The following GDF15 variants were observed in gnomAD, a reference collection of about 807,000 sequenced individuals.
GDF15 encodes the protein growth/differentiation factor 15.
A neutral mutation model predicts 8.9 loss-of-function variants in GDF15; 10 were observed. That is an observed-to-expected ratio of 1.12 (90% CI 0.69 to 1.90). GDF15 has a LOEUF of 1.90. Ranked by LOEUF, GDF15 falls within the 40% of genes most tolerant of loss-of-function variation. The pLI is 0.00. For missense variants in GDF15, 452 were observed against 434.2 expected (o/e 1.04, Z -0.36); for synonymous variants, 228 against 210.6 (o/e 1.08, Z -0.72).
In GDF15 at chr19:18,388,711, G is replaced by C; in HGVS notation, c.703G>C (p.Val235Leu). The C allele has an allele frequency of 1.2e-6, 2 of 1,609,290 alleles. No homozygotes were observed. The highest frequency in any genetic ancestry group is 4.5e-5 in the East Asian group (2 of 44,844). ...CGATTGGGTGCTGTCGCCACGGGAG[G>C]TGCAAGTGACCATGTGCATCGGCGC... is the stretch of plus-strand genomic sequence containing the variant. ...WADWVLSPRE[V>L]QVTMCIGACP... Residue 235 changes from valine (V) to leucine (L), a missense_variant, in exon 2 of 2, where the codon GTG becomes CTG. Transcript: ENST00000252809. This position sits in a 1 kb window ranked among gnomAD's most constrained non-coding sequence, Gnocchi z 4.2.
rs1420213194 is a variant in GDF15, at chr19:18,388,618, C to T, written c.610C>T (p.Pro204Ser). 1.9e-6 allele frequency: 3 copies of T among 1,598,072 alleles called. No homozygotes were observed. Among genetic ancestry groups the T allele is most frequent in the Non-Finnish European group, 2.6e-6 (3 of 1,175,500 alleles). ...GCGTGCGCGCAACGGGGACCACTGT[C>T]CGCTCGGGCCCGGGCGTTGCTGCCG... ...RARARNGDHC[P>S]LGPGRCCRLH... The change falls in exon 2 of 2, where the codon CCG becomes TCG. Residue 204 changes from proline to serine, a missense_variant. Transcript: ENST00000252809. This position sits in a 1 kb window ranked among gnomAD's most constrained non-coding sequence, Gnocchi z 4.2.
chr19:18,388,715 A>G lies in GDF15; in HGVS notation c.707A>G (p.Gln236Arg), dbSNP rs766507873. Reference protein sequence around the residue: ...ADWVLSPREVQVTMCIGACPS... With the variant: ...ADWVLSPREVRVTMCIGACPS... ...TGGGTGCTGTCGCCACGGGAGGTGC[A>G]AGTGACCATGTGCATCGGCGCGTGC... is the stretch of plus-strand genomic sequence containing the variant. The change falls in exon 2 of 2, where the codon CAA becomes CGA. Residue 236 changes from glutamine (Q) to arginine (R), a missense_variant. Gln to Arg is a conservative substitution (Grantham distance 43, BLOSUM62 1). Transcript: ENST00000252809. This position sits in a 1 kb window ranked among gnomAD's most constrained non-coding sequence, Gnocchi z 4.2. The G allele has an allele frequency of 8.2e-5, 132 of 1,609,230 alleles. No individual in the cohort carries two copies. The highest frequency in any genetic ancestry group is 1.0e-4 in the Non-Finnish European group (122 of 1,179,176).
rs1197265780 is a variant in GDF15 at position 18,388,474 on chromosome 19, C to A, written c.466C>A (p.His156Asn). 1 of 1,607,584 alleles carries A rather than the reference C, an allele frequency of 6.2e-7. No individual in the cohort carries two copies. Among genetic ancestry groups the A allele is most frequent in the African/African-American group, 1.3e-5 (1 of 74,916 alleles). The change falls in exon 2 of 2, where the codon CAC (histidine) becomes AAC (asparagine). Residue 156 changes from histidine (H) to asparagine (N), a missense_variant. His to Asn is a moderately conservative substitution (Grantham distance 68, BLOSUM62 1). Coordinates refer to ENST00000252809, the MANE Select transcript of GDF15 (RefSeq NM_004864.4). This position sits in a 1 kb window ranked among gnomAD's most constrained non-coding sequence, Gnocchi z 4.2. ...SLARPQAPAL[H>N]LRLSPPPSQS... ...TGCAAGACCCCAGGCGCCCGCGCTGCACCTGCGACTGTCGCCGCCGCCGTC... is the reference window on the plus strand; with the variant it reads ...TGCAAGACCCCAGGCGCCCGCGCTGAACCTGCGACTGTCGCCGCCGCCGTC...
In GDF15 at chr19:18,388,352, C is replaced by A. The variant is rs1971855324; in HGVS notation, c.344C>A (p.Pro115His). The A allele has an allele frequency of 6.2e-7, 1 of 1,611,462 alleles. No homozygotes were observed. Among genetic ancestry groups the A allele is most frequent in the Admixed American group, 1.7e-5 (1 of 59,968 alleles). ...ISRAALPEGL[P>H]EASRLHRALF... ...CGGGCCGCCCTTCCCGAGGGGCTCC[C>A]CGAGGCCTCCCGCCTTCACCGGGCT... Residue 115 changes from proline (P) to histidine (H), a missense_variant, in exon 2 of 2, where the codon CCC (proline) becomes CAC (histidine). By Grantham distance (77) the Pro-to-His change is moderately conservative (BLOSUM62 -2). Transcript: ENST00000252809. The surrounding 1 kb of genome is among the most constrained non-coding windows in gnomAD (Gnocchi z 4.2).
At position 18,386,298 on chromosome 19, in the gene GDF15, C is replaced by A; in HGVS notation, c.109C>A (p.Arg37Ser). 4 of 1,614,106 alleles carry A rather than the reference C, an allele frequency of 2.5e-6. No individual in the cohort carries two copies. The highest frequency in any genetic ancestry group is 1.3e-5 in the African/African-American group (1 of 75,020). The change falls in exon 1 of 2, where the codon CGC becomes AGC. Residue 37 changes from arginine to serine, a missense_variant. Physicochemically the swap from Arg to Ser is moderately radical, Grantham distance 110 (BLOSUM62 -1). Transcript: ENST00000252809. ...CGCCCTGTCTCTGGCCGAGGCGAGC[C>A]GCGCAAGTTTCCCGGGACCCTCAGA... The part of the protein sequence containing the change: ...GGALSLAEAS[R>S]ASFPGPSELH...
At chr19:18,386,665 A>T (rs1196212083) in intron 1 of GDF15, 199 bp downstream of exon 1, 6 of 594,398 alleles carry the variant, frequency 1.0e-5, no homozygotes, top group Non-Finnish European at 1.8e-5. Context: ...GGGAGGTTAT[A>T]ACCTGTCCCC....
In GDF15 at chr19:18,388,455, AC is replaced by A; in HGVS notation, c.451del (p.Gln151ArgfsTer87). The part of the protein sequence containing the change: ...PLRRQLSLAR[P>X]QAPALHLRLS... ...TGCGGCGTCAGCTCAGCCTTGCAAG[AC>A]CCCAGGCGCCCGCGCTGCACCTGCG... On this transcript the variant is annotated frameshift_variant, in exon 2 of 2. Coordinates refer to ENST00000252809, the MANE Select transcript of GDF15 (RefSeq NM_004864.4). LOFTEE classifies it low-confidence loss of function (END_TRUNC). The surrounding 1 kb of genome is among the most constrained non-coding windows in gnomAD (Gnocchi z 4.2). The A allele has an allele frequency of 3.7e-6, 6 of 1,608,092 alleles. No homozygotes were observed. The highest frequency in any genetic ancestry group is 5.1e-6 in the Non-Finnish European group (6 of 1,178,970).
At chr19:18,387,184 T>C (rs1451221326) in intron 1 of GDF15, among the ~76,000 whole-genome samples, 3 of 152,116 alleles carry the variant, frequency 2.0e-5, no homozygotes, top group African/African-American at 7.2e-5. Context: ...CTAACACTTG[T>C]ACCAGCCTGA....
intron 1 of GDF15, chr19:18,386,836 A>C (rs1306414514): frequency 2.0e-5 from 5 of 244,436 alleles, no homozygotes; most frequent in Non-Finnish European, 3.2e-5. Flanking sequence ...GGTGTGGTGC[A>C]TGGATAGAAG....
chr19:18,386,625 T>C (rs930429620), intron 1 of GDF15, 159 bp downstream of exon 1: 5 of 650,916 alleles, frequency 7.7e-6, no homozygotes, highest in African/African-American at 7.3e-5. Flanking sequence ...TCTGATGGGG[T>C]AGCCGATGCC....
Position 18,388,046 on chromosome 19 carries a change from G to C in GDF15, c.278-240G>C, listed in dbSNP as rs894809377. ...ACCATATTGGCCACATATCGGCCAG[G>C]CTGGTCTTGAACTCCTGACCTCAAG... On this transcript the variant is annotated intron_variant, in intron 1 of 1. Transcript: ENST00000252809. This position sits in a 1 kb window ranked among gnomAD's most constrained non-coding sequence, Gnocchi z 4.2. 1.3e-5 allele frequency among the ~76,000 whole-genome samples: 2 copies of C among 152,052 alleles called. No individual in the cohort carries two copies. Among genetic ancestry groups the C allele is most frequent in the African/African-American group, 4.8e-5 (2 of 41,372 alleles).
rs1971859300 is a variant in GDF15 at position 18,388,536 on chromosome 19, ACGGCC to A, written c.530_534del (p.Arg177ProfsTer120). On this transcript the variant is annotated frameshift_variant, in exon 2 of 2. Coordinates refer to ENST00000252809, the MANE Select transcript of GDF15 (RefSeq NM_004864.4). LOFTEE classifies it low-confidence loss of function (END_TRUNC). The surrounding 1 kb of genome is among the most constrained non-coding windows in gnomAD (Gnocchi z 4.2). ...AACTGCTGGCAGAATCTTCGTCCGC[ACGGCC>A]CCAGCTGGAGTTGCACTTGCGGCCG... 6.3e-7 allele frequency: 1 copy of A among 1,597,300 alleles called. No homozygotes were observed. Among genetic ancestry groups the A allele is most frequent in the Non-Finnish European group, 8.5e-7 (1 of 1,174,854 alleles).
At chr19:18,386,846 G>A in intron 1 of GDF15, 1 of 218,586 alleles carries the variant, frequency 4.6e-6, no homozygotes. Context: ...ATGGATAGAA[G>A]TTTGTGATGG....
rs1237336902 is a variant in GDF15 at position 18,388,395 on chromosome 19, G to A, written c.387G>A (p.Pro129=). The change falls in exon 2 of 2, where the codon CCG becomes CCA. Residue 129 remains proline, a synonymous_variant. Coordinates refer to ENST00000252809, the MANE Select transcript of GDF15 (RefSeq NM_004864.4). The surrounding 1 kb of genome is among the most constrained non-coding windows in gnomAD (Gnocchi z 4.2). ...RLHRALFRLS[P]TASRSWDVTR... ...ACCGGGCTCTGTTCCGGCTGTCCCC[G>A]ACGGCGTCAAGGTCGTGGGACGTGA... 4 of 1,611,522 alleles carry A rather than the reference G, an allele frequency of 2.5e-6. No homozygotes were observed. Among genetic ancestry groups the A allele is most frequent in the Non-Finnish European group, 3.4e-6 (4 of 1,179,588 alleles).
chr19:18,389,091 C>A lies in GDF15; in HGVS notation c.*156C>A. 1 of 554,160 alleles carries A rather than the reference C, an allele frequency of 1.8e-6. No homozygotes were observed. Among genetic ancestry groups the A allele is most frequent in the Non-Finnish European group, 3.1e-6 (1 of 318,748 alleles). The allele number at this position is 554,160 out of a possible 1,614,324, so 34.3% of individuals were successfully genotyped here. The stretch of plus-strand genomic sequence containing the variant: ...ATTTATTATTAATTTATTGGGGTGA[C>A]CTTCTTGGGGACTCGGGGGCTGGTC... On this transcript the variant is annotated 3_prime_UTR_variant, in exon 2 of 2. Transcript: ENST00000252809.
In GDF15 at chr19:18,387,813, C is replaced by CTTTTTTTTTTTTTTTTTTTTTTT. The variant is rs538473844; in HGVS notation, c.278-469_278-447dup. ...CAGGAGATTCAAGGGGAGAAATGCC[C>CTTTTTTTTTTTTTTTTTTTTTTT]TTTTTTTTTTTTTTTTTTTTTTTTT... On this transcript the variant is annotated intron_variant, in intron 1 of 1. Coordinates refer to ENST00000252809, the MANE Select transcript of GDF15 (RefSeq NM_004864.4). Among the ~76,000 whole-genome samples the CTTTTTTTTTTTTTTTTTTTTTTT allele has an allele frequency of 6.7e-4, 47 of 70,328 alleles. 8 individuals are homozygous for CTTTTTTTTTTTTTTTTTTTTTTT. The highest frequency in any genetic ancestry group is 1.1e-3 in the African/African-American group (14 of 12,386). 46.1% of individuals were successfully genotyped at this position (70,328 alleles called of 152,430 possible). A position where few individuals can be genotyped will look rare whatever the true frequency, so the allele number is the denominator to read the frequency against.
In GDF15 at chr19:18,388,513, C is replaced by T; in HGVS notation, c.505C>T (p.Leu169=). The T allele has an allele frequency of 1.2e-6, 2 of 1,601,690 alleles. No individual in the cohort carries two copies. Among genetic ancestry groups the T allele is most frequent in the South Asian group, 2.2e-5 (2 of 90,286 alleles). The change falls in exon 2 of 2, where the codon CTG becomes TTG. Residue 169 remains leucine (L), a synonymous_variant. Transcript: ENST00000252809. This position sits in a 1 kb window ranked among gnomAD's most constrained non-coding sequence, Gnocchi z 4.2. The part of the protein sequence containing the change: ...LSPPPSQSDQ[L]LAESSSARPQ... ...GCCGCCGCCGTCGCAGTCGGACCAA[C>T]TGCTGGCAGAATCTTCGTCCGCACG...
chr19:18,388,189 T>G lies in GDF15; in HGVS notation c.278-97T>G. On this transcript the variant is annotated intron_variant, in intron 1 of 1. Transcript: ENST00000252809. The surrounding 1 kb of genome is among the most constrained non-coding windows in gnomAD (Gnocchi z 4.2). Reference sequence around the variant, plus strand: ...TTGTGCAAAGGCGCCGCCGCCGTGGTGAGATCCAGCTTGGCGTGTTAGGGG... The same window carrying G: ...TTGTGCAAAGGCGCCGCCGCCGTGGGGAGATCCAGCTTGGCGTGTTAGGGG... 1.1e-4 allele frequency: 123 copies of G among 1,089,968 alleles called. No individual in the cohort carries two copies. Among genetic ancestry groups the G allele is most frequent in the Non-Finnish European group, 1.5e-4 (112 of 748,128 alleles). 67.5% of individuals were successfully genotyped at this position (1,089,968 alleles called of 1,614,324 possible). A position where few individuals can be genotyped will look rare whatever the true frequency, so the allele number is the denominator to read the frequency against.
chr19:18,386,301 G>C lies in GDF15; in HGVS notation c.112G>C (p.Ala38Pro). 2 of 1,614,124 alleles carry C rather than the reference G, an allele frequency of 1.2e-6. No individual in the cohort carries two copies. The highest frequency in any genetic ancestry group is 1.7e-4 in the Middle Eastern group (1 of 6,054). Residue 38 changes from alanine to proline, a missense_variant, in exon 1 of 2, where the codon GCA becomes CCA. Coordinates refer to ENST00000252809, the MANE Select transcript of GDF15 (RefSeq NM_004864.4). ...GALSLAEASR[A>P]SFPGPSELHS... Reference sequence around the variant, plus strand: ...CCTGTCTCTGGCCGAGGCGAGCCGCGCAAGTTTCCCGGGACCCTCAGAGTT... The same window carrying C: ...CCTGTCTCTGGCCGAGGCGAGCCGCCCAAGTTTCCCGGGACCCTCAGAGTT...
Sources: allele counts gnomAD v4.1 joint callset (sites outside exome capture counted in the v4.1 genomes callset), GRCh38; gene constraint gnomAD v4.1.1; non-coding constraint Gnocchi (gnomAD v3.1); transcripts MANE v1.5; gene names NCBI Gene and HGNC (gene_info 2026-07-23, HGNC 2026-07-21).